Variants in LRRTM4 observed in about 807,000 individuals in gnomAD.
LRRTM4 encodes the protein leucine-rich repeat transmembrane neuronal protein 4.
A neutral mutation model predicts 47.6 loss-of-function variants in LRRTM4; 25 were observed. That is an observed-to-expected ratio of 0.53 (90% CI 0.38 to 0.73). The LOEUF (loss-of-function observed/expected upper bound fraction) is 0.73, where lower values mean the gene tolerates loss of function less well. LRRTM4 is among the 30% of genes least tolerant of loss of function. The pLI, the probability that LRRTM4 is intolerant of heterozygous loss-of-function variation, is 0.00. For synonymous variants in LRRTM4, 311 were observed against 269.5 expected (o/e 1.15, Z -1.51); for missense variants, 638 against 713.4 (o/e 0.89, Z 1.20).
At chr2:77,061,695 T>C (rs550917261) in intron 3 of LRRTM4, among the ~76,000 whole-genome samples, 23 of 152,320 alleles carry the variant, frequency 1.5e-4, no homozygotes, top group African/African-American at 5.5e-4. Flanking sequence ...CAAATAGTTT[T>C]CCATTATCCT....
chr2:77,230,114 C>T (rs1041415444), intron 3 of LRRTM4, among the ~76,000 whole-genome samples: 20 of 151,974 alleles, frequency 1.3e-4, no homozygotes, highest in African/African-American at 4.3e-4. Flanking sequence ...TTGGAGTTTT[C>T]GGTATCTTGC....
intron 3 of LRRTM4, among the ~76,000 whole-genome samples, chr2:77,391,063 G>A (rs960144798): frequency 1.3e-5 from 2 of 151,778 alleles, no homozygotes; most frequent in African/African-American, 4.8e-5. Context: ...TTTGCAATCA[G>A]GACATTACAA....
intron 3 of LRRTM4, among the ~76,000 whole-genome samples, chr2:77,233,772 CTGT>C (rs139774587): frequency 0.48 from 71,999 of 151,570 alleles, 18,115 homozygotes; most frequent in Admixed American, 0.56. Context: ...CTGTTTGTTG[CTGT>C]TGTTGTTGTT....
At chr2:77,136,712 A>G (rs1463292770) in intron 3 of LRRTM4, among the ~76,000 whole-genome samples, 2 of 152,076 alleles carry the variant, frequency 1.3e-5, no homozygotes, top group Non-Finnish European at 2.9e-5. Context: ...CATGGCAAAG[A>G]AGCTAAAAAC....
chr2:77,107,818 C>CAAAAAAAAAAAAAAAAAAAAAAAA (rs768875970), intron 3 of LRRTM4, among the ~76,000 whole-genome samples: 2 of 57,890 alleles, frequency 3.5e-5, no homozygotes, highest in Non-Finnish European at 7.2e-5. Flanking sequence ...AAATCCAACT[C>CAAAAAAAAAAAAAAAAAAAAAAAA]AAAAAAAAAA....
chr2:76,936,896 A>T (rs1246806726), intron 3 of LRRTM4, among the ~76,000 whole-genome samples: 1 of 130,726 alleles, frequency 7.6e-6, no homozygotes, highest in African/African-American at 2.8e-5. Flanking sequence ...CGGAAGTTGC[A>T]GTGAGCCGAG....
chr2:77,039,076 GAATT>G (rs1678938934), intron 3 of LRRTM4, among the ~76,000 whole-genome samples: 1 of 151,078 alleles, frequency 6.6e-6, no homozygotes, highest in Admixed American at 6.6e-5. Context: ...AAAATGAGTG[GAATT>G]AATTTAAAAA....
intron 3 of LRRTM4, among the ~76,000 whole-genome samples, chr2:76,941,613 G>T (rs1041191327): frequency 6.6e-6 from 1 of 151,958 alleles, no homozygotes; most frequent in Non-Finnish European, 1.5e-5. Context: ...TGGTTTCCAG[G>T]TCATAAATGT....
chr2:76,781,175 T>TTAAG (rs1222061815), intron 3 of LRRTM4, among the ~76,000 whole-genome samples: 2 of 152,258 alleles, frequency 1.3e-5, no homozygotes, highest in Non-Finnish European at 2.9e-5. Context: ...ACAGGGACAT[T>TTAAG]TAAGTCTGCA....
At chr2:77,154,905 A>G (rs1267230241) in intron 3 of LRRTM4, among the ~76,000 whole-genome samples, 1 of 152,136 alleles carries the variant, frequency 6.6e-6, no homozygotes, top group Non-Finnish European at 1.5e-5. Flanking sequence ...CTGACCCTTT[A>G]AAGTGGAATT....
intron 3 of LRRTM4, among the ~76,000 whole-genome samples, chr2:77,232,902 G>T (rs1675006638): frequency 1.3e-5 from 2 of 152,054 alleles, no homozygotes; most frequent in South Asian, 4.1e-4. Flanking sequence ...AGTTCTGAGA[G>T]GAATTATCAG....
intron 3 of LRRTM4, among the ~76,000 whole-genome samples, chr2:76,936,565 T>A (rs1235881940): frequency 2.1e-5 from 3 of 143,444 alleles, no homozygotes; most frequent in Non-Finnish European, 4.5e-5. Context: ...TGCACATGTA[T>A]CTCAGAAATT....
At chr2:77,366,490 C>G (rs1423845061) in intron 3 of LRRTM4, among the ~76,000 whole-genome samples, 3 of 151,844 alleles carry the variant, frequency 2.0e-5, no homozygotes, top group Admixed American at 2.0e-4. Context: ...CTTTGCTTGT[C>G]TCTGTAAGCA....
intron 3 of LRRTM4, among the ~76,000 whole-genome samples, chr2:77,158,126 G>C (rs1177064692): frequency 6.6e-6 from 1 of 152,088 alleles, no homozygotes; most frequent in African/African-American, 2.4e-5. Flanking sequence ...GAGGGAGGGA[G>C]GAGGTATGGA....
intron 3 of LRRTM4, among the ~76,000 whole-genome samples, chr2:77,283,903 G>C (rs780988901): frequency 6.6e-6 from 1 of 151,840 alleles, no homozygotes; most frequent in Non-Finnish European, 1.5e-5. Context: ...GGGGTCATTT[G>C]TGCCCCAAAC....
chr2:77,044,291 T>A (rs2103749933), intron 3 of LRRTM4, among the ~76,000 whole-genome samples: 1 of 151,844 alleles, frequency 6.6e-6, no homozygotes, highest in African/African-American at 2.4e-5. Context: ...AAACATACAC[T>A]ACTTAAAATA....
chr2:76,907,090 G>C (rs1673869779), intron 3 of LRRTM4, among the ~76,000 whole-genome samples: 1 of 151,654 alleles, frequency 6.6e-6, no homozygotes, highest in African/African-American at 2.4e-5. Flanking sequence ...CACATAGTTG[G>C]AAGTAAAGCT....
intron 3 of LRRTM4, among the ~76,000 whole-genome samples, chr2:77,109,149 G>GT (rs1189084407): frequency 6.6e-6 from 1 of 152,106 alleles, no homozygotes; most frequent in Non-Finnish European, 1.5e-5. Flanking sequence ...TTGGGTTTTT[G>GT]TTTGTTTTGT....
At chr2:77,318,493 G>A (rs1350076156) in intron 3 of LRRTM4, among the ~76,000 whole-genome samples, 2 of 152,074 alleles carry the variant, frequency 1.3e-5, no homozygotes, top group East Asian at 3.9e-4. Flanking sequence ...ACTGCTGCAG[G>A]TCACGTTATC....
Sources: gnomAD v4.1 joint callset for allele counts (sites outside exome capture counted in the v4.1 genomes callset) on GRCh38, gnomAD v4.1.1 for gene constraint, MANE v1.5 for transcripts, NCBI Gene and HGNC (gene_info 2026-07-23, HGNC 2026-07-21) for gene names.